Variants in NEDD9 observed in about 807,000 individuals in gnomAD.
NEDD9 encodes neural precursor cell expressed, developmentally down-regulated 9.
A neutral mutation model predicts 76.6 loss-of-function variants in NEDD9; 26 were observed. The observed-to-expected ratio is 0.34, with a 90% CI of 0.25 to 0.47. The LOEUF (loss-of-function observed/expected upper bound fraction) is 0.47, where lower values mean the gene tolerates loss of function less well. NEDD9 is among the 20% of genes least tolerant of loss of function. The pLI, the probability that NEDD9 is intolerant of heterozygous loss-of-function variation, is 1.00. For synonymous variants in NEDD9, 392 were observed against 414.2 expected (o/e 0.95, Z 0.65); for missense variants, 937 against 1,058.5 (o/e 0.89, Z 1.59).
At chr6:11,215,794 T>C (rs577404521) in intron 1 of NEDD9, among the ~76,000 whole-genome samples, 2 of 152,276 alleles carry the variant, frequency 1.3e-5, no homozygotes, top group African/African-American at 4.8e-5. Context: ...TGTGCAATTA[T>C]ACTGGCTACA....
At chr6:11,362,417 C>G (rs1762694665) in intron 1 of NEDD9, among the ~76,000 whole-genome samples, 1 of 152,202 alleles carries the variant, frequency 6.6e-6, no homozygotes, top group Non-Finnish European at 1.5e-5. Context: ...TGTTCTGCCT[C>G]TTGCTTTGCC....
intron 2 of NEDD9, among the ~76,000 whole-genome samples, chr6:11,332,692 G>A (rs1278621969): frequency 1.3e-5 from 2 of 152,188 alleles, no homozygotes; most frequent in South Asian, 2.1e-4. Flanking sequence ...CAGAAGCTGG[G>A]TGAGTGTGCT....
At chr6:11,299,806 G>A (rs921909601) in intron 3 of NEDD9, among the ~76,000 whole-genome samples, 1 of 152,186 alleles carries the variant, frequency 6.6e-6, no homozygotes, top group Admixed American at 6.5e-5. Flanking sequence ...GAAAGGAATA[G>A]CATCAACATC....
intron 2 of NEDD9, among the ~76,000 whole-genome samples, chr6:11,210,640 T>G (rs1019947534): frequency 1.3e-5 from 2 of 151,830 alleles, no homozygotes; most frequent in African/African-American, 2.4e-5. Context: ...TGTTGACAGA[T>G]GTTTTTTAAA....
intron 3 of NEDD9, chr6:11,305,161 T>C: frequency 7.8e-7 from 1 of 1,287,672 alleles, no homozygotes; most frequent in Non-Finnish European, 1.0e-6. Context: ...GTTGATTCTC[T>C]GAGATACAGA....
intron 3 of NEDD9, among the ~76,000 whole-genome samples, chr6:11,250,714 T>C (rs1207890961): frequency 6.6e-6 from 1 of 152,220 alleles, no homozygotes; most frequent in African/African-American, 2.4e-5. Context: ...GCTGGAAATG[T>C]ACTGTGGCTT....
chr6:11,278,584 C>A (rs560377785), intron 3 of NEDD9, among the ~76,000 whole-genome samples: 133 of 152,302 alleles, frequency 8.7e-4, no homozygotes, highest in African/African-American at 3.0e-3. Flanking sequence ...AAGGTTTATA[C>A]ACTAAAGCTT....
intron 1 of NEDD9, among the ~76,000 whole-genome samples, chr6:11,368,856 C>G (rs1021268284): frequency 6.6e-6 from 1 of 152,184 alleles, no homozygotes; most frequent in Non-Finnish European, 1.5e-5. Context: ...CTCTCCTCCT[C>G]TTCCTCCCAC....
At chr6:11,380,038 A>T (rs558672426) in intron 1 of NEDD9, among the ~76,000 whole-genome samples, 1 of 152,352 alleles carries the variant, frequency 6.6e-6, no homozygotes, top group South Asian at 2.1e-4. Context: ...TGTCAAGCCT[A>T]AGGTGCTCTC....
intron 3 of NEDD9, among the ~76,000 whole-genome samples, chr6:11,284,432 G>A (rs1021015485): frequency 6.6e-6 from 1 of 151,242 alleles, no homozygotes; most frequent in African/African-American, 2.4e-5. Flanking sequence ...TGGGCATGGT[G>A]GTGGGCGCCT....
upstream of NEDD9, among the ~76,000 whole-genome samples, chr6:11,237,104 C>T (rs185255011): frequency 4.6e-5 from 7 of 152,182 alleles, no homozygotes; most frequent in Non-Finnish European, 7.3e-5. This position sits in a 1 kb window ranked among gnomAD's most constrained non-coding sequence, Gnocchi z 4.9. Flanking sequence ...TCTACAACCC[C>T]CACCCTGCCC....
At chr6:11,305,644 C>T in intron 3 of NEDD9, among the ~76,000 whole-genome samples, 1 of 152,144 alleles carries the variant, frequency 6.6e-6, no homozygotes, top group East Asian at 1.9e-4. Flanking sequence ...TGGCTATTTC[C>T]AAACGTGGGC....
intron 1 of NEDD9, among the ~76,000 whole-genome samples, chr6:11,340,304 G>T (rs959923756): frequency 5.3e-5 from 8 of 152,252 alleles, no homozygotes; most frequent in Admixed American, 5.2e-4. Context: ...TTTATTCACA[G>T]AGTAGATCAA....
chr6:11,312,683 T>TTA (rs139845526), intron 2 of NEDD9, among the ~76,000 whole-genome samples: 1 of 98,690 alleles, frequency 1.0e-5, no homozygotes, highest in African/African-American at 4.2e-5. Context: ...TAATTTTATA[T>TTA]TATATATATT....
intron 2 of NEDD9, among the ~76,000 whole-genome samples, chr6:11,312,260 C>G (rs150763506): frequency 2.0e-5 from 3 of 152,266 alleles, no homozygotes; most frequent in African/African-American, 7.2e-5. Context: ...TTGGTCTCCT[C>G]TCAGTGAATG....
At chr6:11,260,849 T>C (rs1760095213) in intron 3 of NEDD9, among the ~76,000 whole-genome samples, 1 of 152,030 alleles carries the variant, frequency 6.6e-6, no homozygotes, top group South Asian at 2.1e-4. Context: ...TGAAAGGATG[T>C]GTGATATTGT....
Position 11,203,302 on chromosome 6 carries a change from T to A in NEDD9, c.460-9610A>T, listed in dbSNP as rs180920759. Among the ~76,000 whole-genome samples, 43 of 152,330 alleles carry A rather than the reference T, an allele frequency of 2.8e-4. No individual in the cohort carries two copies. The East Asian group carries it at 7.9e-3, about 28-fold the overall frequency. Reference sequence around the variant, plus strand: ...AAACTATAAAAAAGCACAAGTATTGTGGCTCTTTTGATGTCCAAATAAATT... The same window carrying A: ...AAACTATAAAAAAGCACAAGTATTGAGGCTCTTTTGATGTCCAAATAAATT... On this transcript the variant is annotated intron_variant, in intron 2 of 6. Transcript: ENST00000379446.
intron 3 of NEDD9, among the ~76,000 whole-genome samples, chr6:11,260,783 A>G (rs115450737): frequency 0.018 from 2,786 of 152,246 alleles, 89 homozygotes; most frequent in African/African-American, 0.061. Flanking sequence ...GTCACACACT[A>G]TTTCTCAGTT....
chr6:11,261,298 C>A (rs1760109179), intron 3 of NEDD9, among the ~76,000 whole-genome samples: 1 of 152,136 alleles, frequency 6.6e-6, no homozygotes, highest in African/African-American at 2.4e-5. Flanking sequence ...GTTATTAACT[C>A]CATTTTCTAT....
Sources: allele counts gnomAD v4.1 joint callset (sites outside exome capture counted in the v4.1 genomes callset), GRCh38; gene constraint gnomAD v4.1.1; non-coding constraint Gnocchi (gnomAD v3.1); transcripts MANE v1.5; gene names NCBI Gene and HGNC (gene_info 2026-07-23, HGNC 2026-07-21).